Variants in CALCRL observed in about 807,000 individuals in gnomAD.
CALCRL encodes the protein calcitonin gene-related peptide type 1 receptor.
In CALCRL, 27 loss-of-function variants were observed where a neutral mutation model predicts 60.4. The observed-to-expected ratio is 0.45, with a 90% CI of 0.33 to 0.62. The LOEUF is 0.62. CALCRL is among the 20% of genes least tolerant of loss of function. The probability of loss-of-function intolerance (pLI) is 0.03; values close to 1 mark genes in which losing one functional copy is unlikely to be tolerated. For synonymous variants in CALCRL, 190 were observed against 182.6 expected, an observed-to-expected ratio of 1.04 and a Z score of -0.33; for missense variants, 424 against 540.7, an observed-to-expected ratio of 0.78 and a Z score of 2.14.
In CALCRL at chr2:187,345,031, G is replaced by A. The variant is rs1408928934; in HGVS notation, c.*1153C>T. 6.6e-6 allele frequency: 1 copy of A among 151,990 alleles called. No individual in the cohort carries two copies. The highest frequency in any genetic ancestry group is 1.5e-5 in the Non-Finnish European group (1 of 67,732). 9.4% of individuals were successfully genotyped at this position (151,990 alleles called of 1,614,324 possible). A position where few individuals can be genotyped will look rare whatever the true frequency, so the allele number is the denominator to read the frequency against. On this transcript the variant is annotated 3_prime_UTR_variant, in exon 15 of 15. Coordinates refer to ENST00000392370, the MANE Select transcript of CALCRL (RefSeq NM_005795.6). ...AAAATAAATATATCTTATGATAGAT[G>A]TTTCTGTTCTCTTAGTTCTCAAACA...
At chr2:187,409,492 A>G (rs568739964) in intron 1 of CALCRL, among the ~76,000 whole-genome samples, 6 of 152,356 alleles carry the variant, frequency 3.9e-5, no homozygotes, top group African/African-American at 1.4e-4. Context: ...TGTCCAAAGC[A>G]TAACCTGCAG....
chr2:187,419,097 T>C (rs1255196051), intron 1 of CALCRL, among the ~76,000 whole-genome samples: 1 of 147,306 alleles, frequency 6.8e-6, no homozygotes, highest in Non-Finnish European at 1.5e-5. Flanking sequence ...ATGGTCTCAA[T>C]CTCCTGACCT....
intron 1 of CALCRL, among the ~76,000 whole-genome samples, chr2:187,414,663 T>A (rs1574296632): frequency 1.3e-5 from 2 of 152,128 alleles, no homozygotes; most frequent in Non-Finnish European, 2.9e-5. Context: ...TTATGCCAAA[T>A]ATACAGTGAT....
At chr2:187,377,027 A>C (rs1006792889) in intron 8 of CALCRL, among the ~76,000 whole-genome samples, 1 of 152,116 alleles carries the variant, frequency 6.6e-6, no homozygotes, top group Non-Finnish European at 1.5e-5. Context: ...TCACTGAGGA[A>C]GTGATGCTAA....
intron 14 of CALCRL, among the ~76,000 whole-genome samples, chr2:187,347,256 T>C (rs960657736): frequency 5.3e-5 from 8 of 151,778 alleles, no homozygotes; most frequent in African/African-American, 1.9e-4. Context: ...CTCAAGTACG[T>C]TGAGGACTTT....
At chr2:187,368,965 G>A (rs1687411126) in intron 8 of CALCRL, among the ~76,000 whole-genome samples, 1 of 152,152 alleles carries the variant, frequency 6.6e-6, no homozygotes, top group Non-Finnish European at 1.5e-5. Flanking sequence ...CATATGAGAA[G>A]TAGATATAAC....
At chr2:187,406,187 C>CAA (rs3836097) in intron 1 of CALCRL, among the ~76,000 whole-genome samples, 76,592 of 143,106 alleles carry the variant, frequency 0.54, 20,082 homozygotes, top group East Asian at 0.65. Context: ...CAAACACAAC[C>CAA]AAAAAAAAAA....
intron 1 of CALCRL, among the ~76,000 whole-genome samples, chr2:187,412,300 C>A (rs1007230321): frequency 6.6e-6 from 1 of 152,068 alleles, no homozygotes; most frequent in Non-Finnish European, 1.5e-5. Flanking sequence ...GTGGAATGTT[C>A]ATTATTTTTC....
intron 1 of CALCRL, among the ~76,000 whole-genome samples, chr2:187,410,599 G>A (rs1169761659): frequency 6.6e-6 from 1 of 152,182 alleles, no homozygotes; most frequent in Non-Finnish European, 1.5e-5. Context: ...TTTAGACAGT[G>A]GAGGAAAGTA....
intron 2 of CALCRL, 63 bp from the exon 3 acceptor site, chr2:187,387,556 G>A: frequency 2.7e-6 from 1 of 367,248 alleles, no homozygotes; most frequent in East Asian, 3.9e-5. Flanking sequence ...AAGTAGTGTT[G>A]TTATAGACAG....
intron 1 of CALCRL, among the ~76,000 whole-genome samples, chr2:187,399,390 T>C (rs1688789763): frequency 6.6e-6 from 1 of 151,504 alleles, no homozygotes; most frequent in Admixed American, 6.6e-5. Context: ...AAAAAGTAAA[T>C]GCAACTCTTA....
chr2:187,349,339 G>C (rs963745268), intron 14 of CALCRL, among the ~76,000 whole-genome samples: 1 of 151,588 alleles, frequency 6.6e-6, no homozygotes, highest in African/African-American at 2.4e-5. Flanking sequence ...TGCATAAAAG[G>C]TGGGAAAGAA....
At chr2:187,447,499 T>C (rs140859615) in intron 1 of CALCRL, among the ~76,000 whole-genome samples, 1 of 152,162 alleles carries the variant, frequency 6.6e-6, no homozygotes, top group African/African-American at 2.4e-5. Context: ...GTTACAGATA[T>C]ATGTGTAAAT....
chr2:187,376,169 C>T (rs1056312550), intron 8 of CALCRL, among the ~76,000 whole-genome samples: 4 of 152,130 alleles, frequency 2.6e-5, no homozygotes, highest in Non-Finnish European at 5.9e-5. Context: ...ATAGGAAAGC[C>T]ATCTACTTCA....
intron 1 of CALCRL, among the ~76,000 whole-genome samples, chr2:187,420,725 C>T (rs1023720387): frequency 2.6e-5 from 4 of 151,804 alleles, no homozygotes; most frequent in Non-Finnish European, 5.9e-5. Context: ...GTGTAGGGAA[C>T]ACTAGGTTCA....
intron 1 of CALCRL, among the ~76,000 whole-genome samples, chr2:187,402,374 T>C (rs949483121): frequency 2.6e-5 from 4 of 151,260 alleles, no homozygotes; most frequent in Non-Finnish European, 5.9e-5. Context: ...TGTGTCTAAT[T>C]GATCAGCTGG....
In CALCRL at chr2:187,342,587, C is replaced by T. The variant is rs987466285; in HGVS notation, c.*3597G>A. Among the ~76,000 whole-genome samples, 2 of 151,180 alleles carry T rather than the reference C, an allele frequency of 1.3e-5. No individual in the cohort carries two copies. Among genetic ancestry groups the T allele is most frequent in the Non-Finnish European group, 3.0e-5 (2 of 67,506 alleles). ...ATTCTTTCTTTGAGATTAGTATAAT[C>T]ACAAGGAGGAGAGATTATAAGAAAA... On this transcript the variant is annotated 3_prime_UTR_variant, in exon 15 of 15. Transcript: ENST00000392370.
intron 14 of CALCRL, among the ~76,000 whole-genome samples, chr2:187,346,978 G>C (rs978833711): frequency 1.3e-4 from 20 of 151,798 alleles, no homozygotes; most frequent in Non-Finnish European, 2.7e-4. Flanking sequence ...GGAAAGAAAA[G>C]TGTTGAACAA....
chr2:187,438,613 C>T (rs1381609602), intron 1 of CALCRL, among the ~76,000 whole-genome samples: 1 of 151,802 alleles, frequency 6.6e-6, no homozygotes, highest in African/African-American at 2.4e-5. Flanking sequence ...CGGAATAAGG[C>T]TTTTGTTGGG....
Sources: gnomAD v4.1 joint callset for allele counts (sites outside exome capture counted in the v4.1 genomes callset) on GRCh38, gnomAD v4.1.1 for gene constraint, MANE v1.5 for transcripts, NCBI Gene and HGNC (gene_info 2026-07-23, HGNC 2026-07-21) for gene names.